Variants in TAL1 observed in about 807,000 individuals in gnomAD.
TAL1 encodes T-cell acute lymphocytic leukemia protein 1.
A neutral mutation model predicts 17.9 loss-of-function variants in TAL1; 8 were observed. The ratio of observed to expected loss-of-function variants is 0.45; its 90% CI spans 0.26 to 0.81. TAL1 has a LOEUF of 0.81. Ranked by LOEUF, TAL1 falls within the 30% of genes least tolerant of loss-of-function variation. TAL1 has a pLI of 0.17. For synonymous variants in TAL1, 223 were observed against 218.6 expected (o/e 1.02, Z -0.18); for missense variants, 466 against 486.9 (o/e 0.96, Z 0.40).
exon 1 of TAL1, chr1:47,229,276 T>C: frequency 4.8e-6 from 1 of 206,712 alleles, no homozygotes. Context: ...AGGAAGAGGA[T>C]GCACACCCGG....
chr1:47,223,836 A>G (rs1291203248), intron 3 of TAL1, among the ~76,000 whole-genome samples, 168 bp downstream of exon 4: 1 of 152,142 alleles, frequency 6.6e-6, no homozygotes. Flanking sequence ...CCAGGACTTT[A>G]CTTAGCCCTA....
chr1:47,226,050 A>G (rs1569918187), intron 1 of TAL1, 161 bp from the exon 3 acceptor site: 5 of 216,196 alleles, frequency 2.3e-5, no homozygotes, highest in Non-Finnish European at 4.1e-5. Flanking sequence ...CTAGGGCGGG[A>G]GGCCGGTTGG....
intron 1 of TAL1, among the ~76,000 whole-genome samples, chr1:47,226,599 TG>T (rs1350443953): frequency 6.6e-6 from 1 of 152,188 alleles, no homozygotes; most frequent in Admixed American, 6.5e-5. Context: ...GCAAATCCAC[TG>T]TGAGTCCTCT....
intron 2 of TAL1, among the ~76,000 whole-genome samples, chr1:47,225,134 C>T (rs1643887218): frequency 6.6e-6 from 1 of 152,102 alleles, no homozygotes; most frequent in Non-Finnish European, 1.5e-5. Flanking sequence ...GACACCACCA[C>T]CAAGCACACC....
At chr1:47,225,710 G>C in exon 2 of TAL1, 1 of 1,460,148 alleles carries the variant, frequency 6.8e-7, no homozygotes, top group Non-Finnish European at 9.0e-7. Flanking sequence ...GCCGCCCCCC[G>C]GGCCTCCGCG....
exon 1 of TAL1, chr1:47,229,278 C>T: frequency 4.8e-6 from 1 of 208,370 alleles, no homozygotes; most frequent in Non-Finnish European, 9.8e-6. Flanking sequence ...GAAGAGGATG[C>T]ACACCCGGGT....
rs202151950 is a variant in TAL1 at position 47,224,113 on chromosome 1, G to A, written c.447-15C>T. 1,870 of 1,612,112 alleles carry A rather than the reference G, an allele frequency of 1.2e-3. 1 individual carries two copies. The highest frequency in any genetic ancestry group is 1.5e-3 in the Non-Finnish European group (1,736 of 1,178,650). On this transcript the variant is annotated splice_polypyrimidine_tract_variant and intron_variant, in intron 2 of 3. Coordinates refer to ENST00000294339, the Ensembl canonical transcript of TAL1. The stretch of plus-strand genomic sequence containing the variant: ...CAAAGAACCCGCTGTGGGAGGGAAC[G>A]GGCAGATCACAAGATCCCATGTTGA...
intron 3 of TAL1, 39 bp downstream of exon 4, chr1:47,223,965 G>T (rs374229239): frequency 6.3e-7 from 1 of 1,579,638 alleles, no homozygotes; most frequent in South Asian, 1.1e-5. Flanking sequence ...TCTAACCAGC[G>T]TGAGGGGCAG....
At chr1:47,229,706 TC>T (rs1427171968) in exon 1 of TAL1, 1 of 152,356 alleles carries the variant, frequency 6.6e-6, no homozygotes, top group African/African-American at 2.4e-5. Context: ...CAGGGAGGTG[TC>T]TACGCGGTTG....
chr1:47,228,203 G>A, intron 1 of TAL1: 1 of 168,584 alleles, frequency 5.9e-6, no homozygotes, highest in Non-Finnish European at 1.3e-5. Context: ...ACCTCTCCCG[G>A]CTCCTCCCCA....
chr1:47,226,613 C>T (rs974773965), intron 1 of TAL1, among the ~76,000 whole-genome samples: 2 of 152,194 alleles, frequency 1.3e-5, no homozygotes, highest in Admixed American at 6.5e-5. Context: ...AGTCCTCTGC[C>T]CGCCCAGCGG....
chr1:47,227,720 G>A (rs1445842833), intron 1 of TAL1: 2 of 152,066 alleles, frequency 1.3e-5, no homozygotes, highest in Non-Finnish European at 2.9e-5. Flanking sequence ...GATTTTGGTG[G>A]AGACAATAGG....
chr1:47,225,877 C>T (rs761648668), exon 2 of TAL1: 15 of 1,572,128 alleles, frequency 9.5e-6, no homozygotes, highest in Admixed American at 3.5e-5. Context: ...CGCTCGGCGG[C>T]CGCTCGGTCA....
upstream of TAL1, chr1:47,231,120 G>A (rs1170703672): frequency 1.8e-5 from 3 of 168,848 alleles, no homozygotes; most frequent in East Asian, 3.3e-4. Flanking sequence ...CGGCCTCGGC[G>A]AGCGCTGCTC....
At chr1:47,229,601 G>A (rs1557682588) in exon 1 of TAL1, 3 of 160,830 alleles carry the variant, frequency 1.9e-5, no homozygotes, top group Non-Finnish European at 4.1e-5. Flanking sequence ...TAGCTATTTA[G>A]TCCAACAGCA....
chr1:47,224,166 G>A, intron 2 of TAL1, 68 bp from the exon 4 acceptor site: 2 of 1,528,592 alleles, frequency 1.3e-6, no homozygotes, highest in Non-Finnish European at 1.8e-6. Flanking sequence ...CTTCCTTAGG[G>A]ATCCTCCCCA....
chr1:47,223,664 T>G (rs1354461735), intron 3 of TAL1: 1 of 208,832 alleles, frequency 4.8e-6, no homozygotes, highest in East Asian at 1.1e-4. Flanking sequence ...TGCGCCCACT[T>G]GGGATCCTTG....
chr1:47,218,751 C>T (rs34959384), exon 4 of TAL1: 3,402 of 233,554 alleles, frequency 0.015, 115 homozygotes, highest in African/African-American at 0.069. Context: ...ACCAGACCAT[C>T]AGCAAACAGA....
upstream of TAL1, chr1:47,230,436 A>G (rs150328973): frequency 2.7e-4 from 41 of 152,350 alleles, no homozygotes; most frequent in African/African-American, 9.6e-4. Flanking sequence ...TTGCAATACA[A>G]TGCGGAAGAT....
Sources: allele counts gnomAD v4.1 joint callset (sites outside exome capture counted in the v4.1 genomes callset), GRCh38; gene constraint gnomAD v4.1.1; transcripts MANE v1.5; gene names NCBI Gene and HGNC (gene_info 2026-07-23, HGNC 2026-07-21).